Variants in ZBTB20 observed in about 807,000 individuals in gnomAD.
ZBTB20 encodes the protein zinc finger and BTB domain containing 20, also known as zinc finger and BTB domain-containing protein 20.
A neutral mutation model predicts 56.9 loss-of-function variants in ZBTB20; 9 were observed. That is an observed-to-expected ratio of 0.16 (90% CI 0.10 to 0.28). The LOEUF is 0.28. Ranked by LOEUF, ZBTB20 falls within the 10% of genes least tolerant of loss-of-function variation. ZBTB20 has a pLI of 1.00. For missense variants in ZBTB20, 655 were observed against 1,003.0 expected (o/e 0.65, Z 4.69); for synonymous variants, 417 against 420.7 (o/e 0.99, Z 0.11).
chr3:114,801,197 C>G (rs2071680560), intron 4 of ZBTB20, 23 bp from the exon 5 acceptor site: 1 of 151,894 alleles, frequency 6.6e-6, no homozygotes, highest in African/African-American at 2.4e-5. Context: ...AGGTTAAAAT[C>G]TCTTTCAGTT....
In ZBTB20 at chr3:114,360,948, C is replaced by T. The variant is rs558540144; in HGVS notation, c.200-9070G>A. 3.9e-5 allele frequency among the ~76,000 whole-genome samples: 6 copies of T among 151,952 alleles called. No homozygotes were observed. The East Asian group carries it at 1.2e-3, about 29-fold the overall frequency. Reference sequence around the variant, plus strand: ...AAGTGCTGTCAGATAGAACTCAAAACCTTGGGAGGTTCTGGTAAATAAGTA... The same window carrying T: ...AAGTGCTGTCAGATAGAACTCAAAATCTTGGGAGGTTCTGGTAAATAAGTA... On this transcript the variant is annotated intron_variant, in intron 10 of 11. Coordinates refer to ENST00000675478, the MANE Select transcript of ZBTB20 (RefSeq NM_001348800.3).
At chr3:115,023,906 A>G (rs769596255) in intron 2 of ZBTB20, among the ~76,000 whole-genome samples, 2 of 151,178 alleles carry the variant, frequency 1.3e-5, no homozygotes, top group Non-Finnish European at 3.0e-5. Context: ...ATTCCAACTT[A>G]TATCTCTTTA....
intron 5 of ZBTB20, among the ~76,000 whole-genome samples, chr3:114,778,356 A>G (rs553496138): frequency 6.6e-6 from 1 of 151,082 alleles, no homozygotes; most frequent in African/African-American, 2.4e-5. Flanking sequence ...TCTCAAAACA[A>G]AACAGCAACA....
chr3:114,316,523 T>C lies in ZBTB20; in HGVS notation c.*22482A>G, dbSNP rs768181566. On this transcript the variant is annotated 3_prime_UTR_variant, in exon 12 of 12. Transcript: ENST00000675478. The stretch of plus-strand genomic sequence containing the variant: ...AATATATACACTATATATATGTGGA[T>C]ACATATAGGAAGTGTGTATACATTT... 1 of 532,990 alleles carries C rather than the reference T, an allele frequency of 1.9e-6. No homozygotes were observed. The highest frequency in any genetic ancestry group is 3.9e-6 in the Non-Finnish European group (1 of 259,654). The allele number at this position is 532,990 out of a possible 1,614,324, so 33.0% of individuals were successfully genotyped here.
intron 5 of ZBTB20, among the ~76,000 whole-genome samples, chr3:114,748,349 CTTT>C (rs1170070270): frequency 0.021 from 386 of 18,340 alleles, 3 homozygotes; most frequent in African/African-American, 0.028. Flanking sequence ...TTCTTTCTTT[CTTT>C]TCTCTCTCTC....
At chr3:114,415,133 T>C (rs1024253584) in intron 7 of ZBTB20, among the ~76,000 whole-genome samples, 4 of 152,124 alleles carry the variant, frequency 2.6e-5, no homozygotes, top group East Asian at 1.9e-4. Flanking sequence ...AATAATCCTC[T>C]AAGCAGAATT....
At chr3:114,473,223 G>A (rs939820710) in intron 7 of ZBTB20, among the ~76,000 whole-genome samples, 10 of 152,012 alleles carry the variant, frequency 6.6e-5, no homozygotes, top group African/African-American at 1.5e-4. Context: ...CTACCCCTTC[G>A]GCACACACTA....
chr3:114,877,971 T>C (rs2076258547), intron 4 of ZBTB20, among the ~76,000 whole-genome samples: 1 of 152,136 alleles, frequency 6.6e-6, no homozygotes, highest in South Asian at 2.1e-4. Context: ...TGTAAGCTCT[T>C]TGTTTCAGAT....
At chr3:114,440,909 G>A (rs1393257022) in intron 7 of ZBTB20, among the ~76,000 whole-genome samples, 3 of 152,112 alleles carry the variant, frequency 2.0e-5, no homozygotes, top group Non-Finnish European at 4.4e-5. Context: ...CTACATTAGG[G>A]CTGTCCTCTC....
rs563013584 is a variant in ZBTB20 at position 114,831,626 on chromosome 3, T to G, written c.-416-30452A>C. Reference sequence around the variant, plus strand: ...GCTTTATATAAATGTTTGTCATTATTATTGATGGTATAGGAGTGAATGAAT... The same window carrying G: ...GCTTTATATAAATGTTTGTCATTATGATTGATGGTATAGGAGTGAATGAAT... On this transcript the variant is annotated intron_variant, in intron 4 of 11. Transcript: ENST00000675478. Among the ~76,000 whole-genome samples, 36 of 152,178 alleles carry G rather than the reference T, an allele frequency of 2.4e-4. No individual in the cohort carries two copies. In the South Asian group the frequency reaches 3.7e-3, roughly 16 times the overall value.
In ZBTB20 at chr3:114,430,491, A is replaced by C. The variant is rs557213978; in HGVS notation, c.-254-41386T>G. 1.0e-3 allele frequency among the ~76,000 whole-genome samples: 156 copies of C among 152,340 alleles called. 1 individual carries two copies. The highest frequency in any genetic ancestry group is 3.5e-3 in the South Asian group (17 of 4,824). On this transcript the variant is annotated intron_variant, in intron 7 of 11. Transcript: ENST00000675478. ...ATGCCACTGGCAGTCTTTTTATTGG[A>C]TATCTACTATATGATGCTAAGTTAT...
At chr3:114,618,767 T>A (rs1050001047) in intron 6 of ZBTB20, among the ~76,000 whole-genome samples, 1 of 152,204 alleles carries the variant, frequency 6.6e-6, no homozygotes, top group Non-Finnish European at 1.5e-5. Context: ...ATACATAGCT[T>A]AAACAGGTTT....
intron 4 of ZBTB20, among the ~76,000 whole-genome samples, chr3:114,865,804 A>G (rs1452526554): frequency 6.6e-6 from 1 of 152,180 alleles, no homozygotes; most frequent in African/African-American, 2.4e-5. Flanking sequence ...TTCATGGATG[A>G]AGGTAGTATC....
rs139088511 is a variant in ZBTB20 at position 114,492,761 on chromosome 3, T to C, written c.-255+7591A>G. 8.9e-3 allele frequency among the ~76,000 whole-genome samples: 1,350 copies of C among 152,328 alleles called. 41 individuals are homozygous for C. Among genetic ancestry groups the C allele is most frequent in the Admixed American group, 0.044 (667 of 15,292 alleles). ...GTAAGAGATAATACAGAGAGATTTG[T>C]TATTCTTTTTACCCAGTTTTGCCCA... On this transcript the variant is annotated intron_variant, in intron 7 of 11. Coordinates refer to ENST00000675478, the MANE Select transcript of ZBTB20 (RefSeq NM_001348800.3).
rs2079600711 is a variant in ZBTB20 at position 114,339,480 on chromosome 3, T to C, written c.1805-54A>G. The stretch of plus-strand genomic sequence containing the variant: ...GGACAGAGCGAGACATAGCAAGGGA[T>C]AGAGAATGAAGGACAGGAAAAACAA... On this transcript the variant is annotated intron_variant, in intron 11 of 11. Coordinates refer to ENST00000675478, the MANE Select transcript of ZBTB20 (RefSeq NM_001348800.3). The surrounding 1 kb of genome is among the most constrained non-coding windows in gnomAD (Gnocchi z 4.2). The C allele has an allele frequency of 6.5e-6, 10 of 1,545,042 alleles. No homozygotes were observed. Among genetic ancestry groups the C allele is most frequent in the Non-Finnish European group, 8.8e-6 (10 of 1,140,914 alleles).
intron 6 of ZBTB20, among the ~76,000 whole-genome samples, chr3:114,510,486 C>T (rs1173314814): frequency 6.6e-6 from 1 of 152,004 alleles, no homozygotes; most frequent in Non-Finnish European, 1.5e-5. Context: ...GCTAATTAAC[C>T]CCACACTGAG....
intron 6 of ZBTB20, among the ~76,000 whole-genome samples, chr3:114,517,885 A>AT (rs2046198329): frequency 6.6e-6 from 1 of 151,930 alleles, no homozygotes; most frequent in Non-Finnish European, 1.5e-5. Context: ...TTTGACATGT[A>AT]TTTTTTAAGC....
intron 5 of ZBTB20, among the ~76,000 whole-genome samples, chr3:114,748,323 TTTCTTTCTTTC>T (rs1165223065): frequency 2.6e-4 from 33 of 124,936 alleles, no homozygotes; most frequent in African/African-American, 9.4e-4. Context: ...TCTTTCTTTC[TTTCTTTCTTTC>T]TTCTTTCTTT....
chr3:114,898,252 A>T (rs1034453908), intron 4 of ZBTB20, among the ~76,000 whole-genome samples: 2 of 152,124 alleles, frequency 1.3e-5, no homozygotes, highest in African/African-American at 4.8e-5. Context: ...TTGTTTATTT[A>T]TGGGCTGCAA....
Sources: gnomAD v4.1 joint callset for allele counts (sites outside exome capture counted in the v4.1 genomes callset) on GRCh38, gnomAD v4.1.1 for gene constraint, Gnocchi (gnomAD v3.1) non-coding constraint, MANE v1.5 for transcripts, NCBI Gene and HGNC (gene_info 2026-07-23, HGNC 2026-07-21) for gene names.